The following CHST11 variants were observed in gnomAD, a reference collection of about 807,000 sequenced individuals.
CHST11 encodes C4S-1.
Under a neutral mutation model 30.4 loss-of-function variants are expected in CHST11, and 9 were observed. The observed-to-expected ratio is 0.30, with a 90% CI of 0.18 to 0.52. CHST11 has a LOEUF of 0.52. CHST11 is among the 20% of genes least tolerant of loss of function. The pLI is 0.97. For missense variants in CHST11, 348 were observed against 460.6 expected, an observed-to-expected ratio of 0.76 and a Z score of 2.24; for synonymous variants, 152 against 187.8, an observed-to-expected ratio of 0.81 and a Z score of 1.56.
At chr12:104,560,934 C>T (rs1253948772) in intron 1 of CHST11, among the ~76,000 whole-genome samples, 1 of 152,162 alleles carries the variant, frequency 6.6e-6, no homozygotes, top group Non-Finnish European at 1.5e-5. Context: ...CTTCCGGGGA[C>T]AGAGTCTGCA....
chr12:104,583,297 G>C (rs558616238), intron 1 of CHST11, among the ~76,000 whole-genome samples: 1 of 152,258 alleles, frequency 6.6e-6, no homozygotes, highest in South Asian at 2.1e-4. Flanking sequence ...CAGTGGCTTT[G>C]ATTCTTTTTC....
chr12:104,642,837 A>G (rs763965172), intron 2 of CHST11, among the ~76,000 whole-genome samples: 1 of 151,978 alleles, frequency 6.6e-6, no homozygotes, highest in Non-Finnish European at 1.5e-5. Context: ...TATTACTTTT[A>G]TAATTAAAAC....
chr12:104,521,056 T>C (rs1189616697), intron 1 of CHST11, among the ~76,000 whole-genome samples: 4 of 152,214 alleles, frequency 2.6e-5, no homozygotes, highest in Non-Finnish European at 4.4e-5. Context: ...GTAATCATAA[T>C]AAGGATAAGG....
chr12:104,630,962 A>G (rs1260721834), intron 2 of CHST11, among the ~76,000 whole-genome samples: 2 of 152,194 alleles, frequency 1.3e-5, no homozygotes, highest in Admixed American at 1.3e-4. Context: ...CCTCTCATTA[A>G]CACTAGTGAG....
intron 1 of CHST11, among the ~76,000 whole-genome samples, chr12:104,581,945 G>T (rs776222416): frequency 1.3e-5 from 2 of 152,184 alleles, no homozygotes; most frequent in Non-Finnish European, 2.9e-5. Flanking sequence ...CTCCATCCAG[G>T]AGTTTGGGCT....
chr12:104,475,138 A>AAATGAAT (rs923243607), intron 1 of CHST11, among the ~76,000 whole-genome samples: 1 of 152,202 alleles, frequency 6.6e-6, no homozygotes, highest in Non-Finnish European at 1.5e-5. Flanking sequence ...ATCATAATTA[A>AAATGAAT]AATGAATAAT....
chr12:104,607,987 T>A (rs1234356355), intron 2 of CHST11, among the ~76,000 whole-genome samples: 1 of 152,152 alleles, frequency 6.6e-6, no homozygotes, highest in East Asian at 1.9e-4. Context: ...GATCAGTGTT[T>A]ATCAAGCCTG....
Position 104,472,264 on chromosome 12 carries a change from G to A in CHST11, c.118+14735G>A, listed in dbSNP as rs1205744962. ...TGGGAGTACAGGCGTGAGCCATTGCGCCCGCCCCTTCCATTTTCTTAAGGG... is the reference window on the plus strand; with the variant it reads ...TGGGAGTACAGGCGTGAGCCATTGCACCCGCCCCTTCCATTTTCTTAAGGG... On this transcript the variant is annotated intron_variant, in intron 1 of 2. Transcript: ENST00000303694. 3.3e-5 allele frequency among the ~76,000 whole-genome samples: 5 copies of A among 151,470 alleles called. No individual in the cohort carries two copies. The East Asian group carries it at 7.7e-4, about 23-fold the overall frequency.
intron 2 of CHST11, among the ~76,000 whole-genome samples, chr12:104,668,408 C>T (rs1366930944): frequency 2.0e-5 from 3 of 152,122 alleles, no homozygotes; most frequent in African/African-American, 4.8e-5. Context: ...AACCCACTCC[C>T]GAGACACCAT....
At chr12:104,667,606 G>C (rs1438956408) in intron 2 of CHST11, among the ~76,000 whole-genome samples, 1 of 152,130 alleles carries the variant, frequency 6.6e-6, no homozygotes, top group East Asian at 1.9e-4. Flanking sequence ...TCCAGTGTTG[G>C]AGCTAGGACT....
chr12:104,557,733 A>G (rs2038471440), intron 1 of CHST11, among the ~76,000 whole-genome samples: 1 of 152,066 alleles, frequency 6.6e-6, no homozygotes, highest in African/African-American at 2.4e-5. Flanking sequence ...GAGGGAAGGA[A>G]GTGGGAAGAG....
Position 104,670,521 on chromosome 12 carries a change from A to G in CHST11, c.204+68530A>G, listed in dbSNP as rs2039683020. Among the ~76,000 whole-genome samples the G allele has an allele frequency of 2.0e-5, 3 of 151,130 alleles. No homozygotes were observed. In the South Asian group the frequency reaches 6.3e-4, roughly 32 times the overall value. Reference sequence around the variant, plus strand: ...TACACACTCACACAAACACATCCATACACACATGCACTCACACTTACACAC... The same window carrying G: ...TACACACTCACACAAACACATCCATGCACACATGCACTCACACTTACACAC... On this transcript the variant is annotated intron_variant, in intron 2 of 2. Transcript: ENST00000303694.
At chr12:104,493,309 T>C (rs2037767409) in intron 1 of CHST11, among the ~76,000 whole-genome samples, 1 of 152,246 alleles carries the variant, frequency 6.6e-6, no homozygotes, top group South Asian at 2.1e-4. Context: ...TGTTTATTGC[T>C]TTCTCATCAG....
intron 2 of CHST11, among the ~76,000 whole-genome samples, chr12:104,744,217 C>T (rs948773627): frequency 1.3e-5 from 2 of 152,352 alleles, no homozygotes; most frequent in African/African-American, 4.8e-5. Context: ...TTTACACTCC[C>T]ACCAACAGTG....
chr12:104,552,332 G>C (rs1194138916), intron 1 of CHST11: 1 of 152,138 alleles, frequency 6.6e-6, no homozygotes, highest in East Asian at 1.9e-4. Flanking sequence ...TTTGAGACAG[G>C]TCTTACTCTG....
intron 2 of CHST11, among the ~76,000 whole-genome samples, chr12:104,632,182 C>T (rs919723526): frequency 2.0e-4 from 30 of 151,822 alleles, no homozygotes; most frequent in African/African-American, 6.1e-4. Flanking sequence ...GCCAGGGTTC[C>T]GTCTTCTGCC....
intron 1 of CHST11, among the ~76,000 whole-genome samples, chr12:104,582,055 C>T (rs987683831): frequency 6.6e-6 from 1 of 152,174 alleles, no homozygotes; most frequent in Non-Finnish European, 1.5e-5. Context: ...TTATTTCATC[C>T]AGTCTAAGAA....
chr12:104,544,138 A>AAAAAGAAAGAAAGAAAG (rs1555231335), intron 1 of CHST11, among the ~76,000 whole-genome samples: 25 of 71,714 alleles, frequency 3.5e-4, no homozygotes, highest in Non-Finnish European at 6.1e-4. Flanking sequence ...AAAAAAAAAA[A>AAAAAGAAAGAAAGAAAG]AAAGAAAGAA....
At chr12:104,527,781 A>G (rs1284809848) in intron 1 of CHST11, among the ~76,000 whole-genome samples, 1 of 152,228 alleles carries the variant, frequency 6.6e-6, no homozygotes, top group Non-Finnish European at 1.5e-5. Flanking sequence ...TTATAAAGAA[A>G]AGAGGTTTAA....
Sources: allele counts gnomAD v4.1 joint callset (sites outside exome capture counted in the v4.1 genomes callset), GRCh38; gene constraint gnomAD v4.1.1; transcripts MANE v1.5; gene names NCBI Gene and HGNC (gene_info 2026-07-23, HGNC 2026-07-21).